PNPLA8: variants seen among roughly 807,000 people sequenced by gnomAD.
The protein encoded by PNPLA8 is calcium-independent phospholipase A2-gamma.
Under a neutral mutation model 76.9 loss-of-function variants are expected in PNPLA8, and 39 were observed. That is an observed-to-expected ratio of 0.51 (90% confidence interval 0.39 to 0.66). The LOEUF is 0.66. PNPLA8 is among the 30% of genes least tolerant of loss of function. PNPLA8 has a pLI of 0.00. For synonymous variants in PNPLA8, 301 were observed against 307.9 expected (o/e 0.98, Z 0.24); for missense variants, 887 against 918.0 (o/e 0.97, Z 0.44).
intron 7 of PNPLA8, among the ~76,000 whole-genome samples, chr7:108,494,680 C>T (rs982063133): frequency 6.6e-6 from 1 of 152,130 alleles, no homozygotes; most frequent in African/African-American, 2.4e-5. Context: ...CACATAAGTG[C>T]ATGTGTCTTT....
intron 4 of PNPLA8, among the ~76,000 whole-genome samples, chr7:108,507,341 C>CAAAAAAAAA (rs66685490): frequency 1.3e-4 from 6 of 45,372 alleles, no homozygotes; most frequent in African/African-American, 2.0e-4. Context: ...GACTCTGTCT[C>CAAAAAAAAA]AAAAAAAAAA....
chr7:108,519,971 C>T (rs920862312), intron 2 of PNPLA8, among the ~76,000 whole-genome samples: 2 of 152,138 alleles, frequency 1.3e-5, no homozygotes, highest in South Asian at 2.1e-4. Flanking sequence ...TCCAACTCTC[C>T]GTCCATTCCT....
rs199676922 is a variant in PNPLA8, at chr7:108,514,459, G to A, written c.1033C>T (p.Arg345Cys). 2.3e-5 allele frequency: 37 copies of A among 1,610,104 alleles called. No individual in the cohort carries two copies. In the African/African-American group the frequency reaches 3.9e-4, roughly 17 times the overall value. Residue 345 changes from arginine to cysteine, a missense_variant, in exon 3 of 11, where the codon CGT (arginine) becomes TGT (cysteine). By Grantham distance (180) the Arg-to-Cys change is radical. Transcript: ENST00000257694. Reference protein sequence around the residue: ...SKDRNAEEKKRLSLQREKIIA... With the variant: ...SKDRNAEEKKCLSLQREKIIA... Reference sequence around the variant, plus strand: ...GCCTTTTCTCGCTGAAGAGATAAACGCTTTTTCTCCTCTGCATTTCTGTCT... The same window carrying A: ...GCCTTTTCTCGCTGAAGAGATAAACACTTTTTCTCCTCTGCATTTCTGTCT...
intron 10 of PNPLA8, among the ~76,000 whole-genome samples, chr7:108,478,359 G>A (rs910116835): frequency 6.6e-6 from 1 of 151,894 alleles, no homozygotes; most frequent in Non-Finnish European, 1.5e-5. Flanking sequence ...CTTGAAAGAG[G>A]GTTTTGAGAA....
chr7:108,479,876 T>TG (rs1202298840), intron 9 of PNPLA8, among the ~76,000 whole-genome samples: 1 of 152,204 alleles, frequency 6.6e-6, no homozygotes, highest in East Asian at 1.9e-4. Flanking sequence ...AAACCTTATA[T>TG]TTCTAAGTAT....
rs1165521530 is a variant in PNPLA8 at position 108,470,539 on chromosome 7, G to C, written c.*1862C>G. 6.6e-6 allele frequency: 1 copy of C among 152,136 alleles called. No individual in the cohort carries two copies. Among genetic ancestry groups the C allele is most frequent in the African/African-American group, 2.4e-5 (1 of 41,432 alleles). The allele number at this position is 152,136 out of a possible 1,614,324, so 9.4% of individuals were successfully genotyped here. ...CAGTTTAGGACTAGAGTGACCTTAT[G>C]ATGAGGTGCAAATATGTAAATATGC... On this transcript the variant is annotated 3_prime_UTR_variant, in exon 11 of 11. Coordinates refer to ENST00000257694, the MANE Select transcript of PNPLA8 (RefSeq NM_001256007.3).
chr7:108,501,660 T>C (rs1861957218), intron 5 of PNPLA8, among the ~76,000 whole-genome samples: 1 of 152,026 alleles, frequency 6.6e-6, no homozygotes, highest in Non-Finnish European at 1.5e-5. Context: ...CCGTCTCTAC[T>C]TACAACACAA....
At chr7:108,506,239 G>A (rs907058589) in intron 4 of PNPLA8, among the ~76,000 whole-genome samples, 5 of 152,092 alleles carry the variant, frequency 3.3e-5, no homozygotes, top group Admixed American at 2.0e-4. Flanking sequence ...TTAGCAGGGT[G>A]TGGTGGTGCG....
rs543314381 is a variant in PNPLA8, at chr7:108,470,951, T to G, written c.*1450A>C. 6.6e-6 allele frequency: 1 copy of G among 152,180 alleles called. No individual in the cohort carries two copies. Among genetic ancestry groups the G allele is most frequent in the Non-Finnish European group, 1.5e-5 (1 of 68,026 alleles). 9.4% of individuals were successfully genotyped at this position (152,180 alleles called of 1,614,324 possible). A position where few individuals can be genotyped will look rare whatever the true frequency, so the allele number is the denominator to read the frequency against. ...AACCACATCTCACAGCCTCTGTGAA[T>G]TGATATTGCAAAGAAGCAATATGAC... On this transcript the variant is annotated 3_prime_UTR_variant, in exon 11 of 11. Coordinates refer to ENST00000257694, the MANE Select transcript of PNPLA8 (RefSeq NM_001256007.3).
At chr7:108,519,834 T>C (rs1863612984) in intron 2 of PNPLA8, among the ~76,000 whole-genome samples, 1 of 152,054 alleles carries the variant, frequency 6.6e-6, no homozygotes, top group Non-Finnish European at 1.5e-5. Context: ...GGGAAAACAA[T>C]TTTATTATTT....
chr7:108,480,953 G>A (rs1034616506), intron 9 of PNPLA8, among the ~76,000 whole-genome samples: 1 of 150,578 alleles, frequency 6.6e-6, no homozygotes, highest in East Asian at 1.9e-4. Context: ...TACTAAGGAG[G>A]TCATAGAAAT....
intron 5 of PNPLA8, among the ~76,000 whole-genome samples, 194 bp downstream of exon 5, chr7:108,502,296 AG>A (rs548846355): frequency 6.2e-4 from 94 of 152,080 alleles, no homozygotes; most frequent in African/African-American, 1.5e-3. Context: ...TACAAAAATT[AG>A]CCGGGTATGG....
At chr7:108,500,774 T>C (rs1861878158) in intron 5 of PNPLA8, among the ~76,000 whole-genome samples, 1 of 152,054 alleles carries the variant, frequency 6.6e-6, no homozygotes, top group African/African-American at 2.4e-5. Flanking sequence ...CTGGGTGTGG[T>C]AGTGCATGCC....
chr7:108,519,403 G>T lies in PNPLA8; in HGVS notation c.-84+2073C>A, dbSNP rs535586016. Among the ~76,000 whole-genome samples, 3 of 152,130 alleles carry T rather than the reference G, an allele frequency of 2.0e-5. No individual in the cohort carries two copies. The East Asian group carries it at 5.8e-4, about 29-fold the overall frequency. On this transcript the variant is annotated intron_variant, in intron 2 of 10. Coordinates refer to ENST00000257694, the MANE Select transcript of PNPLA8 (RefSeq NM_001256007.3). ...AAAACTACACACACAGAGGCAAACA[G>T]AAGAAAGCATGTAAGAAAGCACAGA...
At chr7:108,495,653 C>T (rs1282060371) in intron 7 of PNPLA8, among the ~76,000 whole-genome samples, 3 of 152,078 alleles carry the variant, frequency 2.0e-5, no homozygotes, top group Non-Finnish European at 4.4e-5. Flanking sequence ...TAGTGACCTA[C>T]TAATATATTC....
In PNPLA8 at chr7:108,500,260, A is replaced by G. The variant is rs147145898; in HGVS notation, c.1358+2231T>C. On this transcript the variant is annotated intron_variant, in intron 5 of 10. Coordinates refer to ENST00000257694, the MANE Select transcript of PNPLA8 (RefSeq NM_001256007.3). Reference sequence around the variant, plus strand: ...GCTCCTTAGTGAAATGCCCCTACTCATTTAACTGCCATTTTCCCTATTTTT... The same window carrying G: ...GCTCCTTAGTGAAATGCCCCTACTCGTTTAACTGCCATTTTCCCTATTTTT... Among the ~76,000 whole-genome samples the G allele has an allele frequency of 1.7e-3, 256 of 152,266 alleles. 1 individual carries two copies. Among genetic ancestry groups the G allele is most frequent in the African/African-American group, 5.9e-3 (244 of 41,550 alleles).
At chr7:108,506,353 G>A (rs767968384) in intron 4 of PNPLA8, among the ~76,000 whole-genome samples, 22 of 151,982 alleles carry the variant, frequency 1.4e-4, no homozygotes, top group Non-Finnish European at 3.1e-4. Context: ...ACTCCAGCCT[G>A]GACAACAGAG....
At chr7:108,483,356 G>A (rs1486614237) in intron 9 of PNPLA8, among the ~76,000 whole-genome samples, 1 of 152,208 alleles carries the variant, frequency 6.6e-6, no homozygotes, top group Non-Finnish European at 1.5e-5. Context: ...GTTCAGAAAA[G>A]CAGTTTGCCA....
At chr7:108,522,813 C>G (rs957139749) in intron 1 of PNPLA8, among the ~76,000 whole-genome samples, 1 of 152,098 alleles carries the variant, frequency 6.6e-6, no homozygotes, top group South Asian at 2.1e-4. Context: ...AAATACAGTA[C>G]AAAAGGCCAA....
Sources: gnomAD v4.1 joint callset for allele counts (sites outside exome capture counted in the v4.1 genomes callset) on GRCh38, gnomAD v4.1.1 for gene constraint, MANE v1.5 for transcripts, NCBI Gene and HGNC (gene_info 2026-07-23, HGNC 2026-07-21) for gene names.